The following PLEKHA8 variants were observed in gnomAD, a reference collection of about 807,000 sequenced individuals.
PLEKHA8 encodes pleckstrin homology domain-containing family A member 8.
In PLEKHA8, 36 loss-of-function variants were observed where a neutral mutation model predicts 68.2. The ratio of observed to expected loss-of-function variants is 0.53; its 90% confidence interval spans 0.40 to 0.70. The LOEUF is 0.70. Among genes scored for constraint, PLEKHA8 ranks in the 30% least tolerant of loss-of-function variants. The pLI, the probability that PLEKHA8 is intolerant of heterozygous loss-of-function variation, is 0.00. For missense variants in PLEKHA8, 505 were observed against 615.4 expected (o/e 0.82, Z 1.90); for synonymous variants, 211 against 216.1 (o/e 0.98, Z 0.20).
At chr7:30,056,333 A>ATATAT (rs1562870122) in intron 9 of PLEKHA8, among the ~76,000 whole-genome samples, 1 of 102,534 alleles carries the variant, frequency 9.8e-6, no homozygotes, top group African/African-American at 3.6e-5. Context: ...TATATATATA[A>ATATAT]ATAACATATA....
At chr7:30,038,832 T>C (rs1298127481) in intron 1 of PLEKHA8, among the ~76,000 whole-genome samples, 1 of 152,140 alleles carries the variant, frequency 6.6e-6, no homozygotes, top group Non-Finnish European at 1.5e-5. Flanking sequence ...TAATTACTTT[T>C]GGTTTGGATC....
chr7:30,098,826 G>A (rs577029072), intron 13 of PLEKHA8, among the ~76,000 whole-genome samples: 36 of 152,338 alleles, frequency 2.4e-4, no homozygotes, highest in African/African-American at 8.7e-4. Context: ...ATGGTGCGCT[G>A]CACCCACTGT....
chr7:30,069,097 G>C (rs1794062127), intron 12 of PLEKHA8, among the ~76,000 whole-genome samples: 1 of 152,086 alleles, frequency 6.6e-6, no homozygotes, highest in Admixed American at 6.5e-5. Flanking sequence ...ATGAGTTATA[G>C]GATGAAGGTT....
At chr7:30,129,258 T>C (rs1554283772) in intron 13 of PLEKHA8, 13 of 1,612,762 alleles carry the variant, frequency 8.1e-6, no homozygotes, top group African/African-American at 1.3e-5. Flanking sequence ...TCTTTTATCC[T>C]GGTGTAGGTG....
chr7:30,116,411 T>C (rs1206000484), intron 13 of PLEKHA8, among the ~76,000 whole-genome samples: 2 of 152,124 alleles, frequency 1.3e-5, no homozygotes, highest in African/African-American at 4.8e-5. Context: ...TAGTGTATTG[T>C]ATTTTTCTTA....
chr7:30,055,271 A>G lies in PLEKHA8; in HGVS notation c.968A>G (p.Glu323Gly), dbSNP rs1292975451. ...STMNTSFSDI[E>G]LLEDSGIPTE... ...AAATTATGTAGCTTTAGTGACATTG[A>G]ACTTCTGGAAGACAGTGGCATTCCC... The change falls in exon 9 of 14, where the codon GAA becomes GGA. Residue 323 changes from glutamate to glycine, a missense_variant. Coordinates refer to ENST00000449726, the MANE Select transcript of PLEKHA8 (RefSeq NM_001197026.2). 6.2e-7 allele frequency: 1 copy of G among 1,614,002 alleles called. No homozygotes were observed. Among genetic ancestry groups the G allele is most frequent in the Non-Finnish European group, 8.5e-7 (1 of 1,179,974 alleles).
chr7:30,042,720 C>G (rs1791633533), intron 1 of PLEKHA8, among the ~76,000 whole-genome samples: 1 of 152,184 alleles, frequency 6.6e-6, no homozygotes, highest in South Asian at 2.1e-4. Context: ...ATAAAATGTG[C>G]TGGTTGGACT....
intron 13 of PLEKHA8, among the ~76,000 whole-genome samples, chr7:30,120,022 A>G (rs949580179): frequency 8.5e-5 from 13 of 152,172 alleles, no homozygotes; most frequent in Non-Finnish European, 1.6e-4. Flanking sequence ...CTAAGATACA[A>G]TGCAAGCCTC....
downstream of PLEKHA8, among the ~76,000 whole-genome samples, chr7:30,086,207 A>C (rs1795175169): frequency 6.6e-6 from 1 of 152,212 alleles, no homozygotes; most frequent in African/African-American, 2.4e-5. Context: ...GTAAGAAAGG[A>C]AGTGCCTTTC....
At position 30,059,472 on chromosome 7, in the gene PLEKHA8, A is replaced by G. The variant is rs547188381; in HGVS notation, c.1040-1412A>G. 4.6e-5 allele frequency among the ~76,000 whole-genome samples: 7 copies of G among 152,052 alleles called. No homozygotes were observed. The East Asian group carries it at 1.4e-3, about 29-fold the overall frequency. On this transcript the variant is annotated intron_variant, in intron 9 of 13. Coordinates refer to ENST00000449726, the MANE Select transcript of PLEKHA8 (RefSeq NM_001197026.2). ...TACATTGTTTGGATGAATTTCATTC[A>G]TTATCTTGGTATTTGTTTCTATCAT...
downstream of PLEKHA8, among the ~76,000 whole-genome samples, chr7:30,085,845 A>C (rs987158305): frequency 2.0e-5 from 3 of 152,130 alleles, no homozygotes; most frequent in African/African-American, 7.2e-5. Flanking sequence ...GAAGAAGAAG[A>C]AGCTGGTGGA....
At chr7:30,078,519 G>A (rs1794751398) in intron 13 of PLEKHA8, 71 bp from the exon 14 acceptor site, 1 of 1,504,180 alleles carries the variant, frequency 6.6e-7, no homozygotes, top group Admixed American at 1.7e-5. Context: ...GTGTGTGCAT[G>A]TGCACATGCA....
chr7:30,107,553 CTTA>C (rs916817057), intron 13 of PLEKHA8, among the ~76,000 whole-genome samples: 4 of 151,686 alleles, frequency 2.6e-5, no homozygotes, highest in Admixed American at 2.6e-4. Context: ...TTTTTCTTGT[CTTA>C]TATAAGCAAA....
intron 13 of PLEKHA8, among the ~76,000 whole-genome samples, chr7:30,126,342 C>T (rs988816541): frequency 6.6e-6 from 1 of 152,196 alleles, no homozygotes; most frequent in African/African-American, 2.4e-5. Flanking sequence ...TTAGATAACT[C>T]TCAGCTCAGA....
At chr7:30,104,529 A>G (rs796534957) in intron 13 of PLEKHA8, among the ~76,000 whole-genome samples, 1 of 152,304 alleles carries the variant, frequency 6.6e-6, no homozygotes, top group African/African-American at 2.4e-5. Flanking sequence ...AATATCCAGC[A>G]GCTTAGATGA....
chr7:30,122,130 C>A (rs1796706589), intron 13 of PLEKHA8, among the ~76,000 whole-genome samples: 1 of 152,222 alleles, frequency 6.6e-6, no homozygotes, highest in Admixed American at 6.5e-5. Context: ...GATGGCCTTT[C>A]TTCTAAGAGG....
chr7:30,060,860 A>T, intron 9 of PLEKHA8, 24 bp from the exon 10 acceptor site: 1 of 1,600,126 alleles, frequency 6.2e-7, no homozygotes, highest in South Asian at 1.1e-5. Flanking sequence ...CTTTTTCAGA[A>T]ATGTTTTTAA....
At chr7:30,115,834 A>T (rs111069866) in intron 13 of PLEKHA8, 1 of 143,292 alleles carries the variant, frequency 7.0e-6, no homozygotes, top group Non-Finnish European at 1.6e-5. Flanking sequence ...GCGTGCACAT[A>T]CATGTATACA....
rs761165143 is a variant in PLEKHA8 at position 30,061,989 on chromosome 7, T to C, written c.1191T>C (p.Val397=). 2 of 1,613,854 alleles carry C rather than the reference T, an allele frequency of 1.2e-6. No individual in the cohort carries two copies. Among genetic ancestry groups the C allele is most frequent in the Non-Finnish European group, 1.7e-6 (2 of 1,179,912 alleles). ...LHEVEADVAQ[V]RNSATEALLW... Reference sequence around the variant, plus strand: ...AAGTGGAGGCGGATGTAGCCCAGGTTAGGAACTCAGCGACTGAAGCCCTCT... The same window carrying C: ...AAGTGGAGGCGGATGTAGCCCAGGTCAGGAACTCAGCGACTGAAGCCCTCT... The change falls in exon 11 of 14, where the codon GTT becomes GTC. Residue 397 remains valine, a synonymous_variant. Coordinates refer to ENST00000449726, the MANE Select transcript of PLEKHA8 (RefSeq NM_001197026.2).
Sources: gnomAD v4.1 joint callset for allele counts (sites outside exome capture counted in the v4.1 genomes callset) on GRCh38, gnomAD v4.1.1 for gene constraint, MANE v1.5 for transcripts, NCBI Gene and HGNC (gene_info 2026-07-23, HGNC 2026-07-21) for gene names.